TAS2R1: variants seen among roughly 807,000 people sequenced by gnomAD.
TAS2R1 encodes the protein taste 2 receptor member 1, also known as taste receptor type 2 member 1.
For missense variants in TAS2R1, 370 were observed against 353.4 expected (o/e 1.05, Z -0.38); for synonymous variants, 141 against 134.2 (o/e 1.05, Z -0.35).
At chr5:9,868,230 C>T in the TAS2R1 span, among the ~76,000 whole-genome samples, 1 of 152,224 alleles carries the variant, frequency 6.6e-6, no homozygotes, top group Non-Finnish European at 1.5e-5. Flanking sequence ...GCTCTAACCC[C>T]ACATTTCCCT....
At chr5:9,650,083 T>G (rs150037217) in intron 2 of TAS2R1, among the ~76,000 whole-genome samples, 6 of 152,260 alleles carry the variant, frequency 3.9e-5, no homozygotes, top group African/African-American at 1.4e-4. Flanking sequence ...AGTAGAAGAA[T>G]AAAAGACATT....
At chr5:9,885,447 T>A in the TAS2R1 span, among the ~76,000 whole-genome samples, 12 of 152,246 alleles carry the variant, frequency 7.9e-5, no homozygotes, top group African/African-American at 2.9e-4. Context: ...TTTAGTGTAA[T>A]GGAATCCAAT....
At chr5:9,706,430 C>T (rs1220532045) in intron 1 of TAS2R1, among the ~76,000 whole-genome samples, 1 of 152,174 alleles carries the variant, frequency 6.6e-6, no homozygotes, top group East Asian at 1.9e-4. Flanking sequence ...CGAGCAATTC[C>T]CAGACTCTCA....
intron 1 of TAS2R1, among the ~76,000 whole-genome samples, chr5:9,677,477 T>C (rs1740899274): frequency 6.6e-6 from 1 of 150,586 alleles, no homozygotes; most frequent in African/African-American, 2.4e-5. Flanking sequence ...AGGCCTCATA[T>C]CTTAAAAAGC....
the TAS2R1 span, among the ~76,000 whole-genome samples, chr5:9,860,432 A>G: frequency 6.6e-6 from 1 of 152,196 alleles, no homozygotes; most frequent in African/African-American, 2.4e-5. Flanking sequence ...CCAGACTCTG[A>G]GTACATTTCA....
At chr5:9,718,947 A>T in the TAS2R1 span, among the ~76,000 whole-genome samples, 10 of 152,352 alleles carry the variant, frequency 6.6e-5, no homozygotes, top group South Asian at 2.1e-3. Flanking sequence ...TAGGCTAAAG[A>T]GTCATGACAA....
chr5:9,647,061 TG>T (rs1249027146), intron 2 of TAS2R1, among the ~76,000 whole-genome samples: 1 of 152,120 alleles, frequency 6.6e-6, no homozygotes, highest in African/African-American at 2.4e-5. Context: ...ACTGTGACAA[TG>T]ATATGGCATG....
chr5:9,629,628 T>C lies in TAS2R1; in HGVS notation c.405A>G (p.Leu135=), dbSNP rs113322933. ...LVPWMILGSL[L]YVSMICVFHS... ...GGAAAACACAAATCATAGATACATA[T>C]AGCAGAGACCCCAGGATCATCCATG... Residue 135 remains leucine (L), a synonymous_variant, in exon 1 of 1, where the codon CTA becomes CTG. Coordinates refer to ENST00000382492, the MANE Select transcript of TAS2R1 (RefSeq NM_019599.3). 26 of 1,614,116 alleles carry C rather than the reference T, an allele frequency of 1.6e-5. No homozygotes were observed. The highest frequency in any genetic ancestry group is 1.5e-4 in the African/African-American group (11 of 75,018).
At chr5:9,718,029 G>A in the TAS2R1 span, among the ~76,000 whole-genome samples, 44 of 152,062 alleles carry the variant, frequency 2.9e-4, no homozygotes, top group African/African-American at 9.4e-4. Context: ...GCTTGATCTC[G>A]GCTCACTGCA....
At chr5:9,876,831 G>C in the TAS2R1 span, among the ~76,000 whole-genome samples, 1 of 152,222 alleles carries the variant, frequency 6.6e-6, no homozygotes, top group Non-Finnish European at 1.5e-5. Flanking sequence ...CAAAAAGGTT[G>C]TCTAGTTGCA....
At chr5:9,729,547 T>C in the TAS2R1 span, among the ~76,000 whole-genome samples, 1 of 151,966 alleles carries the variant, frequency 6.6e-6, no homozygotes, top group Non-Finnish European at 1.5e-5. Context: ...TGGCAAGCTG[T>C]GGAGAAGCTT....
the TAS2R1 span, among the ~76,000 whole-genome samples, chr5:9,748,167 C>A: frequency 6.6e-6 from 1 of 152,096 alleles, no homozygotes; most frequent in East Asian, 1.9e-4. Context: ...AGCATTTAAA[C>A]CAAACTTTTA....
At chr5:9,749,277 A>T in the TAS2R1 span, among the ~76,000 whole-genome samples, 4 of 152,220 alleles carry the variant, frequency 2.6e-5, no homozygotes, top group African/African-American at 4.8e-5. Context: ...AAGTTGGAGA[A>T]TGGCCTAGCA....
the TAS2R1 span, among the ~76,000 whole-genome samples, chr5:9,747,231 T>C: frequency 1.3e-5 from 2 of 152,098 alleles, no homozygotes; most frequent in East Asian, 3.9e-4. Context: ...TTGAGAATAT[T>C]TTAGTGAAGT....
the TAS2R1 span, among the ~76,000 whole-genome samples, chr5:9,723,155 C>G: frequency 2.0e-5 from 3 of 152,178 alleles, no homozygotes; most frequent in Non-Finnish European, 4.4e-5. Flanking sequence ...GCTAATCCAG[C>G]TTGCAGATGG....
the TAS2R1 span, among the ~76,000 whole-genome samples, chr5:9,897,276 C>A: frequency 6.6e-6 from 1 of 152,094 alleles, no homozygotes; most frequent in East Asian, 1.9e-4. Context: ...TGGTGAAACC[C>A]CGTCTCTACT....
the TAS2R1 span, among the ~76,000 whole-genome samples, chr5:9,865,993 C>T: frequency 6.6e-6 from 1 of 152,152 alleles, no homozygotes; most frequent in Non-Finnish European, 1.5e-5. Flanking sequence ...TTTTCTTTCT[C>T]CTCTCTTTCT....
the TAS2R1 span, among the ~76,000 whole-genome samples, chr5:9,783,849 A>C: frequency 1.3e-5 from 2 of 152,218 alleles, no homozygotes; most frequent in African/African-American, 4.8e-5. Flanking sequence ...TGAGTGAAGC[A>C]TTCAAGACAG....
At chr5:9,790,969 A>C in the TAS2R1 span, among the ~76,000 whole-genome samples, 2 of 152,150 alleles carry the variant, frequency 1.3e-5, no homozygotes, top group Admixed American at 1.3e-4. Context: ...ATCAGCTCTT[A>C]AATGCTCTGC....
Sources: allele counts gnomAD v4.1 joint callset (sites outside exome capture counted in the v4.1 genomes callset), GRCh38; gene constraint gnomAD v4.1.1; transcripts MANE v1.5; gene names NCBI Gene and HGNC (gene_info 2026-07-23, HGNC 2026-07-21).